SPTBN1: variants seen among roughly 807,000 people sequenced by gnomAD.
SPTBN1 encodes the protein spectrin beta chain, non-erythrocytic 1.
In SPTBN1, 32 loss-of-function variants were observed where a neutral mutation model predicts 266.4. That is an observed-to-expected ratio of 0.12 (90% CI 0.09 to 0.16). SPTBN1 has a LOEUF of 0.16. Among genes scored for constraint, SPTBN1 ranks in the 10% least tolerant of loss-of-function variants. The pLI is 1.00. For synonymous variants in SPTBN1, 1,336 were observed against 1,162.2 expected, an observed-to-expected ratio of 1.15 and a Z score of -3.04; for missense variants, 2,296 against 3,067.1, an observed-to-expected ratio of 0.75 and a Z score of 5.94.
intron 30 of SPTBN1, 34 bp from the exon 31 acceptor site, chr2:54,659,120 G>A (rs772429568): frequency 5.0e-6 from 8 of 1,607,664 alleles, no homozygotes; most frequent in Non-Finnish European, 6.8e-6. Flanking sequence ...GCAGAGTTTG[G>A]GACTCTACCA....
intron 1 of SPTBN1, among the ~76,000 whole-genome samples, chr2:54,489,253 T>C (rs984455087): frequency 6.0e-5 from 9 of 149,528 alleles, no homozygotes; most frequent in African/African-American, 2.2e-4. Flanking sequence ...CCCAGGAAGT[T>C]GAGGCTATAG....
At chr2:54,641,467 A>T (rs918055759) in intron 18 of SPTBN1, among the ~76,000 whole-genome samples, 3 of 152,228 alleles carry the variant, frequency 2.0e-5, no homozygotes, top group African/African-American at 7.2e-5. Context: ...TTCCCCTAAG[A>T]TTGAATAGCC....
chr2:54,605,415 A>C (rs561703832), intron 3 of SPTBN1, among the ~76,000 whole-genome samples: 1 of 152,184 alleles, frequency 6.6e-6, no homozygotes, highest in Non-Finnish European at 1.5e-5. Flanking sequence ...CTGTGTCTTC[A>C]TGTATAAAAT....
At position 54,647,900 on chromosome 2, in the gene SPTBN1, A is replaced by G. The variant is rs60762240; in HGVS notation, c.4997+639A>G. ...ACTTGCATGGTGGATACAGATAGTCATAGCACTTACACTTGGGTTGAAAAA... is the reference window on the plus strand; with the variant it reads ...ACTTGCATGGTGGATACAGATAGTCGTAGCACTTACACTTGGGTTGAAAAA... On this transcript the variant is annotated intron_variant, in intron 24 of 35. Transcript: ENST00000356805. 1.8e-3 allele frequency among the ~76,000 whole-genome samples: 279 copies of G among 152,312 alleles called. 1 individual carries two copies. The highest frequency in any genetic ancestry group is 6.4e-3 in the African/African-American group (265 of 41,582).
At chr2:54,603,092 A>G (rs932135932) in intron 3 of SPTBN1, among the ~76,000 whole-genome samples, 5 of 152,314 alleles carry the variant, frequency 3.3e-5, no homozygotes, top group Non-Finnish European at 5.9e-5. Flanking sequence ...TGCCAGATGA[A>G]TGGCCCCAGA....
rs551763196 is a variant in SPTBN1, at chr2:54,519,543, T to C, written c.-47-6829T>C. Among the ~76,000 whole-genome samples, 11 of 152,192 alleles carry C rather than the reference T, an allele frequency of 7.2e-5. No individual in the cohort carries two copies. In the South Asian group the frequency reaches 2.3e-3, roughly 32 times the overall value. On this transcript the variant is annotated intron_variant, in intron 1 of 35. Coordinates refer to ENST00000356805, the MANE Select transcript of SPTBN1 (RefSeq NM_003128.3). ...AACTGAGACAAGAACATGATTCTTC[T>C]CTCTCAGGAGTTGCAAGAGCTTAGG...
Position 54,625,893 on chromosome 2 carries a change from A to G in SPTBN1, c.1342-39A>G, listed in dbSNP as rs748460135. 6 of 1,595,784 alleles carry G rather than the reference A, an allele frequency of 3.8e-6. No homozygotes were observed. In the Admixed American group the frequency reaches 1.0e-4, roughly 27 times the overall value. On this transcript the variant is annotated intron_variant, in intron 11 of 35. Transcript: ENST00000356805. ...AGCATGAGCTACTGTGCCCGGGTGG[A>G]TTTTTTATTTTCCTTCTTTTCATTC...
At chr2:54,583,306 CTCTT>C (rs930210163) in intron 2 of SPTBN1, among the ~76,000 whole-genome samples, 3 of 152,176 alleles carry the variant, frequency 2.0e-5, no homozygotes, top group African/African-American at 4.8e-5. Context: ...AAACTGTAAA[CTCTT>C]TCTGCTTCTG....
chr2:54,498,823 G>A (rs181915151), intron 1 of SPTBN1, among the ~76,000 whole-genome samples: 13 of 152,318 alleles, frequency 8.5e-5, no homozygotes, highest in African/African-American at 2.9e-4. Context: ...TGTGTTGGGT[G>A]CTGGAGATAC....
intron 1 of SPTBN1, among the ~76,000 whole-genome samples, chr2:54,519,816 C>T (rs940336272): frequency 6.6e-6 from 1 of 152,110 alleles, no homozygotes; most frequent in Non-Finnish European, 1.5e-5. Flanking sequence ...CTGGAACTAA[C>T]TCATGAGATT....
chr2:54,464,146 G>A (rs187957579), intron 1 of SPTBN1, among the ~76,000 whole-genome samples: 11 of 152,290 alleles, frequency 7.2e-5, no homozygotes, highest in Non-Finnish European at 1.6e-4. Context: ...TGTAACAGAA[G>A]CCTTAAATGC....
At chr2:54,457,739 G>A (rs1693136476) in intron 1 of SPTBN1, among the ~76,000 whole-genome samples, 1 of 152,248 alleles carries the variant, frequency 6.6e-6, no homozygotes, top group South Asian at 2.1e-4. Flanking sequence ...CCGAGGCCTG[G>A]AGCTGCTGCT....
chr2:54,489,736 A>G (rs866212006), intron 1 of SPTBN1, among the ~76,000 whole-genome samples: 43 of 152,300 alleles, frequency 2.8e-4, no homozygotes, highest in South Asian at 8.3e-4. Flanking sequence ...CTGATTTGAG[A>G]GCTGATGACA....
intron 1 of SPTBN1, among the ~76,000 whole-genome samples, chr2:54,490,003 C>T (rs1414904977): frequency 6.6e-6 from 1 of 152,054 alleles, no homozygotes; most frequent in Non-Finnish European, 1.5e-5. Context: ...ACCATTCTTG[C>T]TGGTCTCACA....
At chr2:54,529,895 A>C (rs1671109854) in intron 2 of SPTBN1, 1 of 370,982 alleles carries the variant, frequency 2.7e-6, no homozygotes, top group African/African-American at 2.5e-5. Context: ...GGTCCACTTG[A>C]TGTGGGAGTG....
chr2:54,653,983 C>A lies in SPTBN1; in HGVS notation c.5822+130C>A. Reference sequence around the variant, plus strand: ...CTTCAAGGCCAGAGTGGGGGTGGGGCGGTGCTTGGAGTGCGGCACCACTGC... The same window carrying A: ...CTTCAAGGCCAGAGTGGGGGTGGGGAGGTGCTTGGAGTGCGGCACCACTGC... On this transcript the variant is annotated intron_variant, in intron 27 of 35. Transcript: ENST00000356805. This position sits in a 1 kb window ranked among gnomAD's most constrained non-coding sequence, Gnocchi z 5.1. 1 of 1,397,944 alleles carries A rather than the reference C, an allele frequency of 7.2e-7. No homozygotes were observed. Among genetic ancestry groups the A allele is most frequent in the South Asian group, 1.5e-5 (1 of 68,812 alleles). The allele number at this position is 1,397,944 out of a possible 1,614,324, so 86.6% of individuals were successfully genotyped here.
chr2:54,468,119 C>T (rs1424275621), intron 1 of SPTBN1, among the ~76,000 whole-genome samples: 1 of 151,934 alleles, frequency 6.6e-6, no homozygotes, highest in Admixed American at 6.6e-5. Flanking sequence ...CGAGCCTGGC[C>T]AACATAGTGA....
At chr2:54,666,587 C>T (rs1681383841) in intron 34 of SPTBN1, among the ~76,000 whole-genome samples, 1 of 152,198 alleles carries the variant, frequency 6.6e-6, no homozygotes. Flanking sequence ...GCAGATGCTC[C>T]AGCTGTCTCA....
At position 54,628,831 on chromosome 2, in the gene SPTBN1, G is replaced by A. The variant is rs1678532777; in HGVS notation, c.1799-102G>A. 3.5e-6 allele frequency: 5 copies of A among 1,428,284 alleles called. No homozygotes were observed. The highest frequency in any genetic ancestry group is 4.7e-6 in the Non-Finnish European group (5 of 1,065,528). The allele number at this position is 1,428,284 out of a possible 1,614,324, so 88.5% of individuals were successfully genotyped here. A position where few individuals can be genotyped will look rare whatever the true frequency, so the allele number is the denominator to read the frequency against. On this transcript the variant is annotated intron_variant, in intron 13 of 35. Transcript: ENST00000356805. This position sits in a 1 kb window ranked among gnomAD's most constrained non-coding sequence, Gnocchi z 4.3. Reference sequence around the variant, plus strand: ...CTGCATTTACATTTAGCAGTGAGCTGGTAATCATAAGAATATGGGGTGTAG... The same window carrying A: ...CTGCATTTACATTTAGCAGTGAGCTAGTAATCATAAGAATATGGGGTGTAG...
Sources: allele counts gnomAD v4.1 joint callset (sites outside exome capture counted in the v4.1 genomes callset), GRCh38; gene constraint gnomAD v4.1.1; non-coding constraint Gnocchi (gnomAD v3.1); transcripts MANE v1.5; gene names NCBI Gene and HGNC (gene_info 2026-07-23, HGNC 2026-07-21).